ARHGAP15: variants seen among roughly 807,000 people sequenced by gnomAD.
ARHGAP15 encodes the protein rho GTPase-activating protein 15.
In ARHGAP15, 51 loss-of-function variants were observed where a neutral mutation model predicts 63.7. The observed-to-expected ratio is 0.80, with a 90% CI of 0.64 to 1.01. The LOEUF (loss-of-function observed/expected upper bound fraction) is 1.01. ARHGAP15 is among the 50% of genes least tolerant of loss of function. The probability of loss-of-function intolerance (pLI) is 0.00; values close to 1 mark genes in which losing one functional copy is unlikely to be tolerated. For synonymous variants in ARHGAP15, 191 were observed against 193.8 expected, an observed-to-expected ratio of 0.99 and a Z score of 0.12; for missense variants, 560 against 564.6, an observed-to-expected ratio of 0.99 and a Z score of 0.08.
At chr2:143,660,024 A>G (rs1291672486) in intron 12 of ARHGAP15, among the ~76,000 whole-genome samples, 4 of 152,188 alleles carry the variant, frequency 2.6e-5, no homozygotes, top group African/African-American at 9.6e-5. Flanking sequence ...CTGTGGGTAG[A>G]CACGTGGTCT....
chr2:143,430,693 G>T (rs1349882647), intron 6 of ARHGAP15, among the ~76,000 whole-genome samples: 1 of 152,010 alleles, frequency 6.6e-6, no homozygotes, highest in African/African-American at 2.4e-5. Context: ...AATAAAGTTA[G>T]TGTATGTTGA....
intron 12 of ARHGAP15, among the ~76,000 whole-genome samples, chr2:143,637,453 G>A (rs923163309): frequency 6.6e-6 from 1 of 151,918 alleles, no homozygotes; most frequent in African/African-American, 2.4e-5. Context: ...TGGTACAAGA[G>A]AATTTTGCTT....
intron 10 of ARHGAP15, among the ~76,000 whole-genome samples, chr2:143,556,183 T>A (rs1197119649): frequency 6.6e-6 from 1 of 152,108 alleles, no homozygotes; most frequent in East Asian, 1.9e-4. Context: ...CCCACTGCTC[T>A]TTTTGCCTCA....
intron 5 of ARHGAP15, among the ~76,000 whole-genome samples, chr2:143,231,179 A>G (rs2104917377): frequency 6.6e-6 from 1 of 151,332 alleles, no homozygotes; most frequent in African/African-American, 2.4e-5. Context: ...CAACAGAATT[A>G]GTAAGGAATG....
At chr2:143,136,570 G>T (rs1200843649) in intron 1 of ARHGAP15, among the ~76,000 whole-genome samples, 1 of 151,938 alleles carries the variant, frequency 6.6e-6, no homozygotes, top group Non-Finnish European at 1.5e-5. Flanking sequence ...ACTTTTTGTT[G>T]GGCCCCCGGC....
chr2:143,205,986 T>C (rs1051345403), intron 3 of ARHGAP15, among the ~76,000 whole-genome samples: 1 of 152,072 alleles, frequency 6.6e-6, no homozygotes, highest in African/African-American at 2.4e-5. Context: ...ACTTTCATTA[T>C]TTCATTTTCA....
At chr2:143,667,417 T>G in intron 12 of ARHGAP15, among the ~76,000 whole-genome samples, 2 of 67,856 alleles carry the variant, frequency 2.9e-5, no homozygotes, top group Non-Finnish European at 5.0e-5. Context: ...CTGGGGACTG[T>G]GGTGGGGTCG....
intron 6 of ARHGAP15, among the ~76,000 whole-genome samples, chr2:143,350,050 C>A (rs570834749): frequency 2.5e-3 from 375 of 152,028 alleles, no homozygotes; most frequent in Non-Finnish European, 3.7e-3. Flanking sequence ...ATAATATTAT[C>A]GTAGTTTTAT....
intron 6 of ARHGAP15, among the ~76,000 whole-genome samples, chr2:143,314,772 AGT>A (rs1219769368): frequency 1.4e-5 from 2 of 141,658 alleles, no homozygotes; most frequent in Non-Finnish European, 2.9e-5. Context: ...ACCTTGCAAA[AGT>A]GTGTTTGGCA....
chr2:143,319,255 C>T (rs187735604), intron 6 of ARHGAP15, among the ~76,000 whole-genome samples: 40 of 148,976 alleles, frequency 2.7e-4, no homozygotes, highest in South Asian at 1.3e-3. Flanking sequence ...TATGGTGTCT[C>T]ACTCTGTTGC....
intron 5 of ARHGAP15, among the ~76,000 whole-genome samples, chr2:143,248,811 CACTAAACG>C (rs1694151630): frequency 6.6e-6 from 1 of 152,174 alleles, no homozygotes; most frequent in South Asian, 2.1e-4. Flanking sequence ...AGAGGTTATA[CACTAAACG>C]AATTATCAAT....
chr2:143,627,747 A>T (rs183609955), intron 12 of ARHGAP15, among the ~76,000 whole-genome samples: 226 of 152,138 alleles, frequency 1.5e-3, no homozygotes, highest in African/African-American at 5.2e-3. Flanking sequence ...CTCAGATCCT[A>T]GTTCTTCCCT....
intron 11 of ARHGAP15, among the ~76,000 whole-genome samples, chr2:143,595,174 C>T (rs1196733447): frequency 1.3e-5 from 2 of 152,084 alleles, no homozygotes. Flanking sequence ...TTAGATTTAT[C>T]CCATCCCAAA....
intron 5 of ARHGAP15, chr2:143,238,299 G>A (rs928753773): frequency 3.3e-5 from 5 of 151,918 alleles, no homozygotes; most frequent in African/African-American, 4.8e-5. Context: ...CTATTCAGCT[G>A]ACAAAATTCT....
intron 5 of ARHGAP15, chr2:143,235,850 A>G: frequency 2.1e-6 from 3 of 1,401,488 alleles, no homozygotes; most frequent in South Asian, 1.5e-5. Context: ...TTTCAGGTAC[A>G]CTTTCCTATT....
At chr2:143,159,028 G>A (rs1006873039) in intron 2 of ARHGAP15, among the ~76,000 whole-genome samples, 2 of 151,892 alleles carry the variant, frequency 1.3e-5, no homozygotes, top group Admixed American at 6.6e-5. Flanking sequence ...AGTAGTTTCG[G>A]CATTTAATGC....
intron 1 of ARHGAP15, among the ~76,000 whole-genome samples, chr2:143,132,726 A>G (rs1688960179): frequency 6.6e-6 from 1 of 152,244 alleles, no homozygotes; most frequent in East Asian, 1.9e-4. Context: ...TCCCCAGAAG[A>G]AAGGACAAAA....
intron 9 of ARHGAP15, among the ~76,000 whole-genome samples, chr2:143,515,187 A>ACC (rs200111130): frequency 1.2e-4 from 11 of 93,086 alleles, no homozygotes; most frequent in Admixed American, 2.5e-4. Flanking sequence ...CACTATATTA[A>ACC]CCCCCCCACC....
chr2:143,668,151 C>CTAAG (rs1553520033), intron 12 of ARHGAP15, among the ~76,000 whole-genome samples: 1 of 151,930 alleles, frequency 6.6e-6, no homozygotes, highest in Non-Finnish European at 1.5e-5. Context: ...GAAATGAAGT[C>CTAAG]TAAGTTTCAA....
Sources: gnomAD v4.1 joint callset for allele counts (sites outside exome capture counted in the v4.1 genomes callset) on GRCh38, gnomAD v4.1.1 for gene constraint, MANE v1.5 for transcripts, NCBI Gene and HGNC (gene_info 2026-07-23, HGNC 2026-07-21) for gene names.